Variants in MAOB observed in about 807,000 individuals in gnomAD.
MAOB encodes the protein amine oxidase [flavin-containing] B.
MAOB carries 15 observed loss-of-function variants against 41.9 expected under a neutral mutation model. The observed-to-expected ratio is 0.36, with a 90% confidence interval of 0.24 to 0.55. The LOEUF (loss-of-function observed/expected upper bound fraction) is 0.55. Ranked by LOEUF, MAOB falls within the 20% of genes least tolerant of loss-of-function variation. MAOB has a pLI of 0.86. For missense variants in MAOB, 345 were observed against 398.7 expected (o/e 0.87, Z 1.15); for synonymous variants, 167 against 144.2 (o/e 1.16, Z -1.13).
At chrX:43,812,348 G>A (rs2034759186) in intron 3 of MAOB, among the ~76,000 whole-genome samples, 1 of 112,209 alleles carries the variant, frequency 8.9e-6, no homozygotes, top group Non-Finnish European at 1.9e-5. Context: ...TCCTTTCTTT[G>A]GGGTGTATAC....
chrX:43,821,819 G>C (rs914171633), intron 3 of MAOB, among the ~76,000 whole-genome samples: 1 of 111,617 alleles, frequency 9.0e-6, no homozygotes, highest in African/African-American at 3.3e-5. Context: ...AAATGATGAA[G>C]GTACCTGATA....
intron 3 of MAOB, among the ~76,000 whole-genome samples, chrX:43,809,433 C>T (rs2034714628): frequency 8.9e-6 from 1 of 112,377 alleles, no homozygotes; most frequent in Non-Finnish European, 1.9e-5. Context: ...ACACTTTACC[C>T]TTTAACCTCC....
At chrX:43,783,719 G>A (rs910029411) in intron 8 of MAOB, among the ~76,000 whole-genome samples, 6 of 111,877 alleles carry the variant, frequency 5.4e-5, no homozygotes, top group Admixed American at 2.8e-4. Flanking sequence ...GGCTGCTGAA[G>A]GTTGGTGTGG....
chrX:43,870,794 C>CAAAAAAAAAAAAAAAAA (rs763016344), intron 1 of MAOB, among the ~76,000 whole-genome samples: 1 of 21,925 alleles, frequency 4.6e-5, no homozygotes, highest in African/African-American at 1.9e-4. Context: ...GACTCCACCT[C>CAAAAAAAAAAAAAAAAA]AAAAAAAAAA....
intron 8 of MAOB, among the ~76,000 whole-genome samples, chrX:43,782,680 C>T (rs964999624): frequency 3.6e-5 from 4 of 111,258 alleles, no homozygotes; most frequent in African/African-American, 6.5e-5. Context: ...CTGGCAGAGA[C>T]GCAACAAAAA....
intron 3 of MAOB, among the ~76,000 whole-genome samples, chrX:43,809,356 AGAGTAAATGTGT>A (rs2034713224): frequency 8.9e-6 from 1 of 112,615 alleles, no homozygotes; most frequent in Non-Finnish European, 1.9e-5. Flanking sequence ...AACCAAAAAC[AGAGTAAATGTGT>A]GAGTAAATGG....
intron 8 of MAOB, among the ~76,000 whole-genome samples, chrX:43,785,489 A>G (rs2034387719): frequency 8.9e-6 from 1 of 112,609 alleles, no homozygotes; most frequent in Non-Finnish European, 1.9e-5. Flanking sequence ...CTTTCTTATC[A>G]TTCATATGTT....
intron 3 of MAOB, among the ~76,000 whole-genome samples, chrX:43,808,399 AT>A (rs913401228): frequency 1.3e-4 from 15 of 111,605 alleles, no homozygotes; most frequent in Non-Finnish European, 1.1e-4. Context: ...TTGAAGAAGA[AT>A]GTGAGCCCAG....
chrX:43,867,700 T>G (rs1052512612), intron 1 of MAOB, among the ~76,000 whole-genome samples: 2 of 112,401 alleles, frequency 1.8e-5, no homozygotes, highest in Non-Finnish European at 3.8e-5. Context: ...AAGAATTATA[T>G]GTAACCAAAG....
At chrX:43,866,774 C>T (rs985488520) in intron 1 of MAOB, among the ~76,000 whole-genome samples, 1 of 112,234 alleles carries the variant, frequency 8.9e-6, no homozygotes, top group African/African-American at 3.2e-5. Flanking sequence ...AGGGCTAGAC[C>T]GAATGATGGG....
chrX:43,794,277 T>A (rs1311182649), intron 7 of MAOB, among the ~76,000 whole-genome samples: 2 of 111,044 alleles, frequency 1.8e-5, no homozygotes, highest in Non-Finnish European at 3.8e-5. Context: ...GGGAACCACA[T>A]GGCTCAATCC....
At chrX:43,848,236 A>G (rs1465957132) in intron 1 of MAOB, among the ~76,000 whole-genome samples, 2 of 111,795 alleles carry the variant, frequency 1.8e-5, no homozygotes, top group African/African-American at 3.3e-5. Context: ...AGGGAGGGGT[A>G]AAATCAAAAT....
At position 43,824,929 on chromosome X, in the gene MAOB, T is replaced by A. The variant is rs141912618; in HGVS notation, c.279+13939A>T. Among the ~76,000 whole-genome samples the A allele has an allele frequency of 4.4e-5, 5 of 113,054 alleles. No individual in the cohort carries two copies. The East Asian group carries it at 1.4e-3, about 32-fold the overall frequency. On this transcript the variant is annotated intron_variant, in intron 3 of 14. Transcript: ENST00000378069. ...TAGTACTTTACAAAGGAAAGTCACA[T>A]CATGTTACTTCTCTACTTCAAACCT... is the stretch of plus-strand genomic sequence containing the variant.
chrX:43,873,818 A>G, intron 1 of MAOB, among the ~76,000 whole-genome samples: 1 of 110,868 alleles, frequency 9.0e-6, no homozygotes, highest in Non-Finnish European at 1.9e-5. Context: ...CTGGGACTAC[A>G]GGCGCCCACC....
At chrX:43,768,560 G>T in intron 14 of MAOB, 94 bp downstream of exon 14, 1 of 688,407 alleles carries the variant, frequency 1.5e-6, no homozygotes, top group South Asian at 2.5e-5. Flanking sequence ...AATCACTTAG[G>T]AAAAGGTATG....
chrX:43,857,153 AGAGAGAGAG>A (rs1569230933), intron 1 of MAOB, among the ~76,000 whole-genome samples: 29 of 60,798 alleles, frequency 4.8e-4, no homozygotes, highest in African/African-American at 1.3e-3. Flanking sequence ...AGAGAGAGAG[AGAGAGAGAG>A]AGAAGAAGAG....
chrX:43,785,910 C>A (rs772678084), intron 8 of MAOB, among the ~76,000 whole-genome samples: 2 of 111,854 alleles, frequency 1.8e-5, no homozygotes, highest in South Asian at 7.6e-4. Context: ...GATCACAGAT[C>A]ACCATGACAA....
chrX:43,816,199 C>T (rs1009135448), intron 3 of MAOB, among the ~76,000 whole-genome samples: 3 of 111,693 alleles, frequency 2.7e-5, no homozygotes, highest in Non-Finnish European at 5.7e-5. Flanking sequence ...ACTGGCTCTC[C>T]TTGGGGATGT....
chrX:43,812,001 C>A (rs1381718913), intron 3 of MAOB, among the ~76,000 whole-genome samples: 2 of 111,503 alleles, frequency 1.8e-5, no homozygotes, highest in Non-Finnish European at 3.8e-5. Flanking sequence ...ATTCTACTAT[C>A]CTTCCCAGCC....
Sources: gnomAD v4.1 joint callset for allele counts (sites outside exome capture counted in the v4.1 genomes callset) on GRCh38, gnomAD v4.1.1 for gene constraint, MANE v1.5 for transcripts, NCBI Gene and HGNC (gene_info 2026-07-23, HGNC 2026-07-21) for gene names.